The following CMPK2 variants were observed in gnomAD, a reference collection of about 807,000 sequenced individuals.
The protein encoded by CMPK2 is UMP-CMP kinase 2, mitochondrial.
A neutral mutation model predicts 33.4 loss-of-function variants in CMPK2; 32 were observed. The ratio of observed to expected loss-of-function variants is 0.96; its 90% CI spans 0.72 to 1.29. CMPK2 has a LOEUF of 1.29. Ranked by LOEUF, CMPK2 falls within the 50% of genes most tolerant of loss-of-function variation. The probability of loss-of-function intolerance (pLI) is 0.00; values close to 1 mark genes in which losing one functional copy is unlikely to be tolerated. For synonymous variants in CMPK2, 299 were observed against 275.3 expected (o/e 1.09, Z -0.85); for missense variants, 672 against 616.0 (o/e 1.09, Z -0.96).
intron 3 of CMPK2, 61 bp downstream of exon 3, chr2:6,861,122 AC>A: frequency 1.4e-4 from 3 of 22,182 alleles, no homozygotes; most frequent in Non-Finnish European, 1.2e-4. Context: ...ACACACACAC[AC>A]ACACCCACAC....
chr2:6,864,033 G>A (rs1485727709), intron 1 of CMPK2, among the ~76,000 whole-genome samples: 3 of 152,248 alleles, frequency 2.0e-5, no homozygotes, highest in African/African-American at 7.2e-5. Flanking sequence ...CTGCAATCAT[G>A]AAGCTGGCAG....
chr2:6,864,812 A>C (rs1409680136), intron 1 of CMPK2, among the ~76,000 whole-genome samples: 1 of 151,440 alleles, frequency 6.6e-6, no homozygotes, highest in Non-Finnish European at 1.5e-5. Flanking sequence ...GTGTAGGTCT[A>C]TGTTCCACGT....
intron 3 of CMPK2, among the ~76,000 whole-genome samples, chr2:6,856,434 G>A (rs969086592): frequency 6.6e-6 from 1 of 152,128 alleles, no homozygotes; most frequent in African/African-American, 2.4e-5. Flanking sequence ...GGCTGTGGCA[G>A]GCTCTCATTC....
intron 3 of CMPK2, among the ~76,000 whole-genome samples, chr2:6,843,167 G>A (rs552429839): frequency 1.2e-4 from 19 of 152,208 alleles, no homozygotes; most frequent in Non-Finnish European, 2.8e-4. Context: ...AGCCTGATTG[G>A]AGGGATCCTC....
At position 6,840,711 on chromosome 2, in the gene CMPK2, A is replaced by G. The variant is rs1407979123; in HGVS notation, c.993-33T>C. ...GGGGAAAAGAGAGGAAAAATCCTTCACCAGTACCAAGTCTCCTTGGTAGAA... is the reference window on the plus strand; with the variant it reads ...GGGGAAAAGAGAGGAAAAATCCTTCGCCAGTACCAAGTCTCCTTGGTAGAA... On this transcript the variant is annotated intron_variant, in intron 3 of 3. Transcript: ENST00000458098. 19 of 701,190 alleles carry G rather than the reference A, an allele frequency of 2.7e-5. 1 individual carries two copies. The highest frequency in any genetic ancestry group is 4.9e-5 in the Non-Finnish European group (19 of 384,330). 43.4% of individuals were successfully genotyped at this position (701,190 alleles called of 1,614,324 possible).
At position 6,849,524 on chromosome 2, in the gene CMPK2, C is replaced by T; in HGVS notation, c.*326G>A. 1 of 1,076,500 alleles carries T rather than the reference C, an allele frequency of 9.3e-7. No individual in the cohort carries two copies. Among genetic ancestry groups the T allele is most frequent in the Non-Finnish European group, 1.1e-6 (1 of 887,836 alleles). 66.7% of individuals were successfully genotyped at this position (1,076,500 alleles called of 1,614,324 possible). A position where few individuals can be genotyped will look rare whatever the true frequency, so the allele number is the denominator to read the frequency against. ...GATCTTGTCTGCTGCTTCTGTACAC[C>T]TGGTGCTGTCTGAGTAAGACAGGTC... On this transcript the variant is annotated 3_prime_UTR_variant, in exon 5 of 5. Coordinates refer to ENST00000256722, the MANE Select transcript of CMPK2 (RefSeq NM_207315.4).
rs1395331490 is a variant in CMPK2, at chr2:6,859,207, T to C, written c.992+1977A>G. ...AGCATTCAAGAGGTGACTTGGATGC[T>C]GTTAAAGGTATTCGGTTTTAAAATG... On this transcript the variant is annotated intron_variant, in intron 3 of 4. Coordinates refer to ENST00000256722, the MANE Select transcript of CMPK2 (RefSeq NM_207315.4). Among the ~76,000 whole-genome samples the C allele has an allele frequency of 2.0e-5, 3 of 152,348 alleles. No homozygotes were observed. The South Asian group carries it at 6.2e-4, about 32-fold the overall frequency.
chr2:6,852,634 G>T (rs1349586146), intron 3 of CMPK2, among the ~76,000 whole-genome samples: 1 of 152,144 alleles, frequency 6.6e-6, no homozygotes, highest in Non-Finnish European at 1.5e-5. Flanking sequence ...AATATCTATT[G>T]TCTCCTCCAT....
At chr2:6,845,963 T>C (rs569560844), downstream of CMPK2, among the ~76,000 whole-genome samples, 320 of 151,916 alleles carry the variant, frequency 2.1e-3, 2 homozygotes, top group African/African-American at 7.6e-3. Flanking sequence ...AAAGTGGAGA[T>C]TTTTTTTGTT....
Position 6,849,930 on chromosome 2 carries a change from C to T in CMPK2, c.1270G>A (p.Val424Met). 1 of 1,614,134 alleles carries T rather than the reference C, an allele frequency of 6.2e-7. No individual in the cohort carries two copies. The highest frequency in any genetic ancestry group is 8.5e-7 in the Non-Finnish European group (1 of 1,180,012). ...TCTCTGGAGGGGCTGGCATCAACCACATGGCAGCCAGGATTCTCCATCCGC... is the reference window on the plus strand; with the variant it reads ...TCTCTGGAGGGGCTGGCATCAACCATATGGCAGCCAGGATTCTCCATCCGC... The part of the protein sequence containing the change: ...YQRMENPGCH[V>M]VDASPSREKV... Residue 424 changes from valine to methionine, a missense_variant, in exon 5 of 5, where the codon GTG becomes ATG. By Grantham distance (21) the Val-to-Met change is conservative. Transcript: ENST00000256722.
chr2:6,844,323 G>A (rs1251978896), downstream of CMPK2, among the ~76,000 whole-genome samples: 2 of 152,190 alleles, frequency 1.3e-5, no homozygotes, highest in African/African-American at 2.4e-5. Flanking sequence ...CCTATGGCCA[G>A]TTTCTGCAAC....
At position 6,865,726 on chromosome 2, in the gene CMPK2, C is replaced by T; in HGVS notation, c.-30G>A. On this transcript the variant is annotated 5_prime_UTR_variant, in exon 1 of 5. Transcript: ENST00000256722. ...GCCTCAGCGACGCCGCCCTCGGCCC[C>T]GCCTCGGAAACGAAACCTGGCGGGA... is the stretch of plus-strand genomic sequence containing the variant. 3 of 1,282,378 alleles carry T rather than the reference C, an allele frequency of 2.3e-6. No homozygotes were observed. Among genetic ancestry groups the T allele is most frequent in the Non-Finnish European group, 3.0e-6 (3 of 1,016,490 alleles). The allele number at this position is 1,282,378 out of a possible 1,614,324, so 79.4% of individuals were successfully genotyped here.
At chr2:6,865,970 C>T (rs1572147826), upstream of CMPK2, 26 of 1,053,752 alleles carry the variant, frequency 2.5e-5, no homozygotes, top group Non-Finnish European at 3.3e-5. Context: ...GTGCGCGGCT[C>T]CGCGGGCCTG....
In CMPK2 at chr2:6,848,674, G is replaced by A; in HGVS notation, c.*1176C>T. 3 of 981,918 alleles carry A rather than the reference G, an allele frequency of 3.1e-6. No homozygotes were observed. Among genetic ancestry groups the A allele is most frequent in the Non-Finnish European group, 3.6e-6 (3 of 826,370 alleles). 60.8% of individuals were successfully genotyped at this position (981,918 alleles called of 1,614,324 possible). ...AGTAATGTCTTCTTAAGAAATGGTA[G>A]ATAGGATAAAATAATTTACAGATTT... On this transcript the variant is annotated 3_prime_UTR_variant, in exon 5 of 5. Transcript: ENST00000256722.
Position 6,865,189 on chromosome 2 carries a change from C to A in CMPK2, c.508G>T (p.Gly170Cys). The A allele has an allele frequency of 6.5e-7, 1 of 1,532,330 alleles. No individual in the cohort carries two copies. The highest frequency in any genetic ancestry group is 8.7e-7 in the Non-Finnish European group (1 of 1,143,000). 94.9% of individuals were successfully genotyped at this position (1,532,330 alleles called of 1,614,324 possible). The change falls in exon 1 of 5, where the codon GGC becomes TGC. Residue 170 changes from glycine (G) to cysteine (C), a missense_variant. Transcript: ENST00000256722. Reference sequence around the variant, plus strand: ...TCCCAGAGGCGCTGCCACAGCTGGCCGCGCGGGTCGGCCTCGAACTCGCCC... The same window carrying A: ...TCCCAGAGGCGCTGCCACAGCTGGCAGCGCGGGTCGGCCTCGAACTCGCCC... ...HLGEFEADPR[G>C]QLWQRLWEVQ...
At chr2:6,860,313 T>A (rs1056508222) in intron 3 of CMPK2, among the ~76,000 whole-genome samples, 1 of 152,126 alleles carries the variant, frequency 6.6e-6, no homozygotes, top group African/African-American at 2.4e-5. Context: ...TGGTAAGGCA[T>A]GATTGGTTTT....
chr2:6,845,097 G>C (rs751757534), downstream of CMPK2, among the ~76,000 whole-genome samples: 5 of 152,094 alleles, frequency 3.3e-5, no homozygotes. Context: ...ACAAAGATTT[G>C]GGTTGTCTCG....
chr2:6,856,897 A>T (rs959305580), intron 3 of CMPK2, among the ~76,000 whole-genome samples: 2 of 152,184 alleles, frequency 1.3e-5, no homozygotes, highest in African/African-American at 4.8e-5. Context: ...GTATTTATTT[A>T]TGCTTTCTCC....
intron 3 of CMPK2, among the ~76,000 whole-genome samples, chr2:6,854,807 A>G (rs1262257680): frequency 6.6e-6 from 1 of 152,112 alleles, no homozygotes. Flanking sequence ...ACATCCACTC[A>G]CTGAATCATC....
Sources: allele counts gnomAD v4.1 joint callset (sites outside exome capture counted in the v4.1 genomes callset), GRCh38; gene constraint gnomAD v4.1.1; transcripts MANE v1.5; gene names NCBI Gene and HGNC (gene_info 2026-07-23, HGNC 2026-07-21).